Variants in ERBB4 observed in about 807,000 individuals in gnomAD.
ERBB4 encodes the protein erb-b2 receptor tyrosine kinase 4, also known as receptor tyrosine-protein kinase erbB-4.
A neutral mutation model predicts 158.0 loss-of-function variants in ERBB4; 42 were observed. That is an observed-to-expected ratio of 0.27 (90% CI 0.21 to 0.34). The LOEUF is 0.34. Ranked by LOEUF, ERBB4 falls within the 10% of genes least tolerant of loss-of-function variation. The pLI, the probability that ERBB4 is intolerant of heterozygous loss-of-function variation, is 1.00. For synonymous variants in ERBB4, 583 were observed against 558.7 expected (o/e 1.04, Z -0.61); for missense variants, 1,333 against 1,624.1 (o/e 0.82, Z 3.08).
intron 19 of ERBB4, among the ~76,000 whole-genome samples, chr2:211,588,263 A>G (rs553328418): frequency 1.3e-5 from 2 of 152,298 alleles, no homozygotes; most frequent in East Asian, 3.9e-4. Context: ...CATTGAGTAA[A>G]CTGAGATAAT....
At chr2:212,086,449 A>C (rs1222219809) in intron 2 of ERBB4, among the ~76,000 whole-genome samples, 1 of 151,916 alleles carries the variant, frequency 6.6e-6, no homozygotes, top group Non-Finnish European at 1.5e-5. Flanking sequence ...GCCTCTAAGA[A>C]AAAAAGAAAA....
At chr2:211,582,369 C>T (rs943467205) in intron 19 of ERBB4, among the ~76,000 whole-genome samples, 9 of 152,110 alleles carry the variant, frequency 5.9e-5, no homozygotes, top group Non-Finnish European at 1.2e-4. Flanking sequence ...CCAGAACTCT[C>T]CAAAGAAATC....
Position 211,883,746 on chromosome 2 carries a change from C to T in ERBB4, c.421+63684G>A, listed in dbSNP as rs1220017306. Among the ~76,000 whole-genome samples, 5 of 152,098 alleles carry T rather than the reference C, an allele frequency of 3.3e-5. No homozygotes were observed. The South Asian group carries it at 6.2e-4, about 19-fold the overall frequency. ...GGTGGAGGTTGTAGTGAGGCAAGTT[C>T]GTGCCACTGCACTCCAGCCTGGGCG... On this transcript the variant is annotated intron_variant, in intron 3 of 27. Transcript: ENST00000342788.
intron 20 of ERBB4, among the ~76,000 whole-genome samples, chr2:211,491,111 C>T (rs1336272253): frequency 1.3e-5 from 2 of 152,000 alleles, no homozygotes; most frequent in East Asian, 3.9e-4. Flanking sequence ...TTCTAGGACA[C>T]AAAATGTTGA....
intron 3 of ERBB4, among the ~76,000 whole-genome samples, chr2:211,789,951 A>C (rs1468459309): frequency 6.6e-6 from 1 of 152,056 alleles, no homozygotes; most frequent in Non-Finnish European, 1.5e-5. Context: ...TTTCATCATC[A>C]GTCATTTCAC....
chr2:211,670,966 G>GT (rs557274265), intron 14 of ERBB4, among the ~76,000 whole-genome samples: 204 of 152,198 alleles, frequency 1.3e-3, no homozygotes, highest in African/African-American at 4.5e-3. Context: ...GCTACAGATG[G>GT]TAAGCGAACA....
chr2:211,871,699 T>G (rs2078350401), intron 3 of ERBB4, among the ~76,000 whole-genome samples: 1 of 152,192 alleles, frequency 6.6e-6, no homozygotes, highest in Non-Finnish European at 1.5e-5. Flanking sequence ...CAAAAGCTCT[T>G]TCTCTAAGCT....
chr2:212,102,298 G>A (rs549027193), intron 2 of ERBB4, among the ~76,000 whole-genome samples: 3 of 151,042 alleles, frequency 2.0e-5, no homozygotes, highest in African/African-American at 7.3e-5. Context: ...TAAAACTCTG[G>A]TCAATTTGCT....
intron 3 of ERBB4, among the ~76,000 whole-genome samples, chr2:211,855,018 A>G (rs1001781203): frequency 6.6e-6 from 1 of 152,106 alleles, no homozygotes; most frequent in Non-Finnish European, 1.5e-5. Flanking sequence ...ACTCAACAAC[A>G]TTCGTTACTT....
At chr2:211,799,537 T>C (rs1213415069) in intron 3 of ERBB4, among the ~76,000 whole-genome samples, 1 of 152,166 alleles carries the variant, frequency 6.6e-6, no homozygotes, top group African/African-American at 2.4e-5. Context: ...GAAATTGATA[T>C]CTGCAGGGGA....
At chr2:212,068,807 C>A (rs2078020767) in intron 2 of ERBB4, among the ~76,000 whole-genome samples, 4 of 152,048 alleles carry the variant, frequency 2.6e-5, no homozygotes, top group Non-Finnish European at 5.9e-5. Context: ...ATAAAGCCAA[C>A]TGAGGTATTT....
chr2:212,093,140 A>G (rs571410565), intron 2 of ERBB4, among the ~76,000 whole-genome samples: 1 of 152,306 alleles, frequency 6.6e-6, no homozygotes, highest in East Asian at 1.9e-4. Context: ...AGCAGGAACT[A>G]TAACTTCAGA....
At chr2:211,888,200 C>T (rs1370607288) in intron 3 of ERBB4, among the ~76,000 whole-genome samples, 2 of 152,130 alleles carry the variant, frequency 1.3e-5, no homozygotes, top group African/African-American at 2.4e-5. Flanking sequence ...TTTCTTTGGG[C>T]TACTCTACCA....
intron 1 of ERBB4, among the ~76,000 whole-genome samples, chr2:212,189,226 G>C (rs1331547831): frequency 3.3e-5 from 5 of 152,112 alleles, no homozygotes; most frequent in African/African-American, 1.2e-4. Context: ...CAGCATTTCA[G>C]ATTCTGCATT....
intron 2 of ERBB4, among the ~76,000 whole-genome samples, chr2:212,107,068 C>A (rs1464368132): frequency 6.6e-6 from 1 of 152,204 alleles, no homozygotes; most frequent in Admixed American, 6.5e-5. Context: ...CAAACAAAGT[C>A]CCCACTGGGG....
At chr2:211,725,300 G>T (rs924803795) in intron 5 of ERBB4, 106 bp from the exon 6 acceptor site, 22 of 856,424 alleles carry the variant, frequency 2.6e-5, no homozygotes, top group Non-Finnish European at 3.9e-5. Context: ...ACTCAATTCA[G>T]CAAACATTTA....
intron 1 of ERBB4, among the ~76,000 whole-genome samples, chr2:212,441,811 A>T (rs1444382104): frequency 6.6e-6 from 1 of 152,214 alleles, no homozygotes; most frequent in Non-Finnish European, 1.5e-5. Context: ...AGAGAAAAGG[A>T]TCCAAAGGCT....
At chr2:211,665,585 C>T (rs2071601103) in intron 14 of ERBB4, 108 bp from the exon 15 acceptor site, 2 of 1,026,848 alleles carry the variant, frequency 1.9e-6, no homozygotes, top group Non-Finnish European at 3.0e-6. Context: ...GCAAATCTTC[C>T]TCTAAGAGAA....
intron 1 of ERBB4, among the ~76,000 whole-genome samples, chr2:212,338,342 C>T (rs937854373): frequency 6.6e-6 from 1 of 152,000 alleles, no homozygotes; most frequent in Non-Finnish European, 1.5e-5. Flanking sequence ...CCAAAGCATC[C>T]CAAAGTGGTT....
Sources: gnomAD v4.1 joint callset for allele counts (sites outside exome capture counted in the v4.1 genomes callset) on GRCh38, gnomAD v4.1.1 for gene constraint, MANE v1.5 for transcripts, NCBI Gene and HGNC (gene_info 2026-07-23, HGNC 2026-07-21) for gene names.